Variants in CARMIL1 observed in about 807,000 individuals in gnomAD.
CARMIL1 encodes capping protein regulator and myosin 1 linker 1, also known as F-actin-uncapping protein LRRC16A.
Under a neutral mutation model 177.1 loss-of-function variants are expected in CARMIL1, and 90 were observed. That is an observed-to-expected ratio of 0.51 (90% CI 0.43 to 0.61). The LOEUF (loss-of-function observed/expected upper bound fraction) is 0.61. CARMIL1 is among the 20% of genes least tolerant of loss of function. The probability of loss-of-function intolerance (pLI) is 0.00; values close to 1 mark genes in which losing one functional copy is unlikely to be tolerated. For synonymous variants in CARMIL1, 577 were observed against 606.2 expected (o/e 0.95, Z 0.71); for missense variants, 1,380 against 1,667.0 (o/e 0.83, Z 3.00).
intron 2 of CARMIL1, among the ~76,000 whole-genome samples, chr6:25,319,132 T>C (rs1784496641): frequency 6.6e-6 from 1 of 152,172 alleles, no homozygotes; most frequent in Admixed American, 6.5e-5. Context: ...TAAAGGATCC[T>C]ACTCAAGCCT....
At chr6:25,349,723 T>TC (rs1787913538) in intron 2 of CARMIL1, among the ~76,000 whole-genome samples, 1 of 127,042 alleles carries the variant, frequency 7.9e-6, no homozygotes, top group East Asian at 2.5e-4. Flanking sequence ...ACCAGTCCCC[T>TC]CATTTTTTTT....
At chr6:25,617,179 C>T (rs1759340959) in intron 36 of CARMIL1, among the ~76,000 whole-genome samples, 2 of 152,290 alleles carry the variant, frequency 1.3e-5, no homozygotes, top group Middle Eastern at 3.4e-3. Context: ...AAAGAATCAA[C>T]ATTTAGGTGG....
At chr6:25,324,937 G>T (rs573404426) in intron 2 of CARMIL1, among the ~76,000 whole-genome samples, 2 of 152,172 alleles carry the variant, frequency 1.3e-5, no homozygotes, top group East Asian at 1.9e-4. Flanking sequence ...GAAGAGCTAG[G>T]ATAGGGAGGT....
intron 17 of CARMIL1, among the ~76,000 whole-genome samples, chr6:25,506,621 A>G (rs1804943212): frequency 6.6e-6 from 1 of 152,218 alleles, no homozygotes. Flanking sequence ...GTTATTTGGC[A>G]TCAAATCCTG....
At chr6:25,485,270 T>G (rs1376184769) in intron 12 of CARMIL1, among the ~76,000 whole-genome samples, 1 of 152,100 alleles carries the variant, frequency 6.6e-6, no homozygotes, top group African/African-American at 2.4e-5. Context: ...CTCCACCTCC[T>G]TACGATGAGG....
intron 31 of CARMIL1, among the ~76,000 whole-genome samples, chr6:25,582,338 T>C (rs1391044981): frequency 2.6e-5 from 4 of 152,222 alleles, no homozygotes; most frequent in Non-Finnish European, 5.9e-5. Context: ...TCTTCAGCAA[T>C]GTCCTTTCAG....
chr6:25,401,688 G>A lies in CARMIL1; in HGVS notation c.139-18426G>A, dbSNP rs112093032. Among the ~76,000 whole-genome samples the A allele has an allele frequency of 4.2e-3, 646 of 152,320 alleles. 5 individuals are homozygous for A. Among genetic ancestry groups the A allele is most frequent in the African/African-American group, 0.014 (596 of 41,576 alleles). ...AGCTCATTCGCCAGCTGTCGGGTTA[G>A]GAGATTATTCACAAATGTTGCCCTG... On this transcript the variant is annotated intron_variant, in intron 2 of 36. Transcript: ENST00000329474.
In CARMIL1 at chr6:25,298,646, A is replaced by T. The variant is rs377447159; in HGVS notation, c.138+13737A>T. Among the ~76,000 whole-genome samples, 553 of 152,128 alleles carry T rather than the reference A, an allele frequency of 3.6e-3. 2 individuals carry two copies. Among genetic ancestry groups the T allele is most frequent in the South Asian group, 0.026 (126 of 4,824 alleles). On this transcript the variant is annotated intron_variant, in intron 2 of 36. Transcript: ENST00000329474. ...AGAGTGAAAAAAAGAAAACATCAGT[A>T]GTTGGTGCCTGTTCATTCACTTAGG...
rs114584138 is a variant in CARMIL1 at position 25,526,818 on chromosome 6, G to A, written c.1969-1977G>A. Among the ~76,000 whole-genome samples the A allele has an allele frequency of 3.7e-3, 559 of 152,248 alleles. 3 individuals carry two copies. The highest frequency in any genetic ancestry group is 0.012 in the African/African-American group (497 of 41,532). On this transcript the variant is annotated intron_variant, in intron 23 of 36. Transcript: ENST00000329474. ...TCCTCCTGCCTCAGCCTCCCAAAGT[G>A]TTGGGATTGAAGCATGAGCCACCAC... is the stretch of plus-strand genomic sequence containing the variant.
chr6:25,332,492 C>A (rs1296811827), intron 2 of CARMIL1, among the ~76,000 whole-genome samples: 2 of 151,846 alleles, frequency 1.3e-5, no homozygotes, highest in East Asian at 3.9e-4. Context: ...TGCTGATGAT[C>A]AAAAGTGGGG....
At chr6:25,314,775 G>A (rs1365494067) in intron 2 of CARMIL1, among the ~76,000 whole-genome samples, 1 of 152,116 alleles carries the variant, frequency 6.6e-6, no homozygotes, top group Non-Finnish European at 1.5e-5. Context: ...GATGTACTCT[G>A]TATAGATGCC....
chr6:25,382,323 C>T (rs1414873202), intron 2 of CARMIL1, among the ~76,000 whole-genome samples: 4 of 152,126 alleles, frequency 2.6e-5, no homozygotes, highest in Non-Finnish European at 4.4e-5. Context: ...GTCTTAAACT[C>T]CTGACTCCAG....
intron 2 of CARMIL1, among the ~76,000 whole-genome samples, chr6:25,306,950 C>A (rs1783324747): frequency 6.8e-6 from 1 of 147,980 alleles, no homozygotes; most frequent in African/African-American, 2.5e-5. Context: ...ACGATCTCGG[C>A]TCACTGCAAC....
At chr6:25,430,832 G>T (rs1419313341) in intron 4 of CARMIL1, among the ~76,000 whole-genome samples, 1 of 152,110 alleles carries the variant, frequency 6.6e-6, no homozygotes, top group Non-Finnish European at 1.5e-5. Flanking sequence ...TGTCTTTTAA[G>T]AAATTTGTTT....
chr6:25,390,392 G>A (rs909903563), intron 2 of CARMIL1, among the ~76,000 whole-genome samples: 3 of 141,820 alleles, frequency 2.1e-5, no homozygotes, highest in African/African-American at 7.9e-5. Context: ...CACAGTCTTG[G>A]CTCATTGCAA....
chr6:25,569,982 T>G (rs1247619485), intron 29 of CARMIL1, among the ~76,000 whole-genome samples: 1 of 150,668 alleles, frequency 6.6e-6, no homozygotes, highest in Non-Finnish European at 1.5e-5. Context: ...TTTTCCCACT[T>G]TTTTTTTTTG....
At chr6:25,431,907 C>T (rs1055680556) in intron 4 of CARMIL1, among the ~76,000 whole-genome samples, 7 of 152,150 alleles carry the variant, frequency 4.6e-5, no homozygotes, top group South Asian at 2.1e-4. Context: ...TTATAGTGAA[C>T]ATTGGCACTG....
chr6:25,390,320 A>ATATTTTTTTTTTT (rs1554184839), intron 2 of CARMIL1, among the ~76,000 whole-genome samples: 1 of 58,104 alleles, frequency 1.7e-5, no homozygotes, highest in Non-Finnish European at 3.3e-5. Flanking sequence ...ATATATATAT[A>ATATTTTTTTTTTT]TTTTTTTTTT....
chr6:25,435,870 C>T (rs1797179527), intron 5 of CARMIL1, among the ~76,000 whole-genome samples: 1 of 152,036 alleles, frequency 6.6e-6, no homozygotes, highest in Non-Finnish European at 1.5e-5. Flanking sequence ...AAACAGTAAC[C>T]TTTTTAATAT....
Sources: allele counts gnomAD v4.1 joint callset (sites outside exome capture counted in the v4.1 genomes callset), GRCh38; gene constraint gnomAD v4.1.1; transcripts MANE v1.5; gene names NCBI Gene and HGNC (gene_info 2026-07-23, HGNC 2026-07-21).